Variants in TTC6 observed in about 807,000 individuals in gnomAD.
TTC6 encodes the protein tetratricopeptide repeat domain 6.
A neutral mutation model predicts 210.4 loss-of-function variants in TTC6; 172 were observed. The observed-to-expected ratio is 0.82, with a 90% CI of 0.72 to 0.93. The LOEUF is 0.93. TTC6 is among the 40% of genes least tolerant of loss of function. The pLI is 0.00. For missense variants in TTC6, 2,414 were observed against 2,318.1 expected, an observed-to-expected ratio of 1.04 and a Z score of -0.85; for synonymous variants, 804 against 819.6, an observed-to-expected ratio of 0.98 and a Z score of 0.32.
intron 25 of TTC6, among the ~76,000 whole-genome samples, chr14:37,812,764 CT>C (rs2096132584): frequency 6.6e-6 from 1 of 152,088 alleles, no homozygotes; most frequent in Non-Finnish European, 1.5e-5. Context: ...TTAGTGGTAA[CT>C]TTCTCAAAAT....
chr14:37,719,647 C>T (rs974079638), intron 6 of TTC6, among the ~76,000 whole-genome samples: 2 of 152,060 alleles, frequency 1.3e-5, no homozygotes, highest in Non-Finnish European at 2.9e-5. Context: ...TTGTACATCC[C>T]TTAGCCAGAA....
intron 4 of TTC6, among the ~76,000 whole-genome samples, chr14:37,697,399 T>C (rs2095816903): frequency 6.6e-6 from 1 of 152,154 alleles, no homozygotes; most frequent in Non-Finnish European, 1.5e-5. Context: ...TACATTTTGC[T>C]AGTCACCTTG....
intron 2 of TTC6, among the ~76,000 whole-genome samples, chr14:37,610,057 G>A (rs1056046939): frequency 1.3e-5 from 2 of 152,156 alleles, no homozygotes; most frequent in African/African-American, 2.4e-5. Context: ...GGTGGATTAT[G>A]ATCTCAATTT....
At chr14:37,792,197 CT>C in intron 16 of TTC6, 66 bp from the exon 19 acceptor site, 4 of 1,253,370 alleles carry the variant, frequency 3.2e-6, no homozygotes, top group Non-Finnish European at 4.3e-6. Context: ...CAGTTTATTC[CT>C]AATTGGAGAA....
chr14:37,812,141 A>G (rs1271038000), intron 24 of TTC6, among the ~76,000 whole-genome samples, 173 bp from the exon 27 acceptor site: 5 of 152,188 alleles, frequency 3.3e-5, no homozygotes, highest in Admixed American at 6.5e-5. Flanking sequence ...TCCATCATAC[A>G]TTTTACCTAA....
chr14:37,665,770 G>T (rs1253041866), intron 1 of TTC6, among the ~76,000 whole-genome samples: 4 of 150,406 alleles, frequency 2.7e-5, no homozygotes, highest in Non-Finnish European at 6.0e-5. Context: ...AGCTTGTGAT[G>T]AACTGTCTGC....
chr14:37,823,894 G>C, exon 27 of TTC6: 1 of 1,613,958 alleles, frequency 6.2e-7, no homozygotes, highest in Non-Finnish European at 8.5e-7. Flanking sequence ...AAGACTTTCT[G>C]AAAGCACTGC....
intron 1 of TTC6, among the ~76,000 whole-genome samples, chr14:37,632,029 G>T (rs1226384240): frequency 2.6e-5 from 4 of 151,870 alleles, no homozygotes; most frequent in Non-Finnish European, 5.9e-5. Context: ...CTTTTTTCAA[G>T]GCTCTTAGCT....
chr14:37,828,906 C>G (rs1361275077), intron 29 of TTC6, among the ~76,000 whole-genome samples: 1 of 151,882 alleles, frequency 6.6e-6, no homozygotes, highest in Non-Finnish European at 1.5e-5. Context: ...CTATATATTT[C>G]TCTTTGCATC....
intron 30 of TTC6, among the ~76,000 whole-genome samples, chr14:37,841,895 C>T (rs912433229): frequency 6.6e-6 from 1 of 152,124 alleles, no homozygotes; most frequent in Non-Finnish European, 1.5e-5. Flanking sequence ...CAAAACTATA[C>T]ACAAACAATG....
intron 14 of TTC6, among the ~76,000 whole-genome samples, chr14:37,760,777 C>T (rs568934747): frequency 1.3e-5 from 2 of 152,284 alleles, no homozygotes; most frequent in Admixed American, 1.3e-4. Flanking sequence ...GTGGTGAATT[C>T]CCCCCAGTCC....
intron 3 of TTC6, among the ~76,000 whole-genome samples, chr14:37,692,861 A>C (rs1467012668): frequency 9.8e-5 from 1 of 10,208 alleles, no homozygotes; most frequent in Non-Finnish European, 1.5e-4. Flanking sequence ...TCCATCTCAA[A>C]AATAAATAAA....
intron 25 of TTC6, among the ~76,000 whole-genome samples, chr14:37,816,161 G>T (rs17107141): frequency 0.17 from 25,780 of 151,942 alleles, 2,358 homozygotes; most frequent in East Asian, 0.32. Context: ...TCCATTTGGT[G>T]TCATATATGC....
chr14:37,633,744 C>T (rs1193005914), intron 1 of TTC6, among the ~76,000 whole-genome samples: 1 of 152,218 alleles, frequency 6.6e-6, no homozygotes, highest in Non-Finnish European at 1.5e-5. Context: ...TCCCTCTTCC[C>T]TCTGGTGTCA....
chr14:37,607,169 GA>G (rs1052645424), intron 2 of TTC6, among the ~76,000 whole-genome samples: 7 of 152,202 alleles, frequency 4.6e-5, no homozygotes, highest in Non-Finnish European at 1.0e-4. Context: ...AGTGTAAATG[GA>G]ATGCTAAACT....
In TTC6 at chr14:37,702,348, C is replaced by T. The variant is rs752203490; in HGVS notation, c.1571+822C>T. On this transcript the variant is annotated intron_variant, in intron 5 of 30. Coordinates refer to ENST00000553443, the Ensembl canonical transcript of TTC6. Reference sequence around the variant, plus strand: ...ATTTTAAGGCTTTTTTTCTTCTAATCGCCCCTCCTGATTAAATTTTAATAT... The same window carrying T: ...ATTTTAAGGCTTTTTTTCTTCTAATTGCCCCTCCTGATTAAATTTTAATAT... Among the ~76,000 whole-genome samples the T allele has an allele frequency of 7.2e-5, 11 of 152,120 alleles. 1 individual carries two copies. Among genetic ancestry groups the T allele is most frequent in the Admixed American group, 1.3e-4 (2 of 15,254 alleles).
chr14:37,600,374 C>A (rs1011918449), intron 1 of TTC6, among the ~76,000 whole-genome samples: 5 of 152,236 alleles, frequency 3.3e-5, no homozygotes, highest in African/African-American at 1.2e-4. Context: ...TTGGAAAAGT[C>A]AACTATTTCA....
chr14:37,781,751 T>G (rs1043439889), intron 14 of TTC6, among the ~76,000 whole-genome samples: 1 of 152,256 alleles, frequency 6.6e-6, no homozygotes, highest in Non-Finnish European at 1.5e-5. Context: ...AGGATTTTTA[T>G]GCTTTTAGGT....
chr14:37,800,157 A>G (rs1249523183), intron 20 of TTC6, among the ~76,000 whole-genome samples: 2 of 152,172 alleles, frequency 1.3e-5, no homozygotes, highest in African/African-American at 4.8e-5. Flanking sequence ...AATCACCTCA[A>G]ACAGACTCTT....
Sources: allele counts gnomAD v4.1 joint callset (sites outside exome capture counted in the v4.1 genomes callset), GRCh38; gene constraint gnomAD v4.1.1; transcripts MANE v1.5; gene names NCBI Gene and HGNC (gene_info 2026-07-23, HGNC 2026-07-21).